NKIRAS1: variants seen among roughly 807,000 people sequenced by gnomAD.
NKIRAS1 encodes NFKB inhibitor interacting Ras like 1, also known as NF-kappa-B inhibitor-interacting Ras-like protein 1.
Under a neutral mutation model 19.8 loss-of-function variants are expected in NKIRAS1, and 16 were observed. The ratio of observed to expected loss-of-function variants is 0.81; its 90% CI spans 0.55 to 1.23. NKIRAS1 has a LOEUF of 1.23. Ranked by LOEUF, NKIRAS1 falls within the 50% of genes most tolerant of loss-of-function variation. The probability of loss-of-function intolerance (pLI) is 0.00; values close to 1 mark genes in which losing one functional copy is unlikely to be tolerated. For missense variants in NKIRAS1, 184 were observed against 220.0 expected, an observed-to-expected ratio of 0.84 and a Z score of 1.04; for synonymous variants, 88 against 79.0, an observed-to-expected ratio of 1.11 and a Z score of -0.61.
chr3:23,907,370 G>A (rs1703175040), intron 3 of NKIRAS1, among the ~76,000 whole-genome samples: 2 of 152,020 alleles, frequency 1.3e-5, no homozygotes, highest in African/African-American at 4.8e-5. Context: ...ACAAAAATTT[G>A]GTTGTCAACT....
chr3:23,936,534 G>A (rs1004242309), intron 1 of NKIRAS1, among the ~76,000 whole-genome samples: 1 of 151,976 alleles, frequency 6.6e-6, no homozygotes, highest in Non-Finnish European at 1.5e-5. Flanking sequence ...GGTAGAGCCC[G>A]AAAAACTGCT....
intron 2 of NKIRAS1, 130 bp downstream of exon 2, chr3:23,911,199 A>T (rs1418624362): frequency 3.6e-6 from 1 of 275,396 alleles, no homozygotes; most frequent in Non-Finnish European, 7.0e-6. Flanking sequence ...CATGCCTGCA[A>T]TCCTACCACT....
At chr3:23,906,158 CAAA>C (rs377092022) in intron 3 of NKIRAS1, among the ~76,000 whole-genome samples, 1 of 98,834 alleles carries the variant, frequency 1.0e-5, no homozygotes, top group Non-Finnish European at 1.9e-5. Context: ...GACTCCGTCT[CAAA>C]AAAAAAAAAA....
At chr3:23,918,252 C>T (rs568648252), upstream of NKIRAS1, 23 of 895,602 alleles carry the variant, frequency 2.6e-5, no homozygotes, top group Non-Finnish European at 3.7e-5. Flanking sequence ...GCAAAATAAA[C>T]AGTGTGCCTC....
rs1189977421 is a variant in NKIRAS1 at position 23,892,905 on chromosome 3, A to G, written c.*190T>C. On this transcript the variant is annotated 3_prime_UTR_variant, in exon 5 of 5. Coordinates refer to ENST00000425478, the MANE Select transcript of NKIRAS1 (RefSeq NM_020345.4). ...AATGAGAATAAGAATATATTATTTC[A>G]TATCAGGCAATAATAACCTTAGCCC... 1 of 417,364 alleles carries G rather than the reference A, an allele frequency of 2.4e-6. No individual in the cohort carries two copies. Among genetic ancestry groups the G allele is most frequent in the Non-Finnish European group, 4.2e-6 (1 of 239,922 alleles). The allele number at this position is 417,364 out of a possible 1,614,324, so 25.9% of individuals were successfully genotyped here.
chr3:23,905,186 T>C (rs1702902681), intron 3 of NKIRAS1, among the ~76,000 whole-genome samples: 1 of 152,184 alleles, frequency 6.6e-6, no homozygotes, highest in African/African-American at 2.4e-5. Context: ...ATTAATTTAA[T>C]TCATAGAAAA....
At chr3:23,939,532 A>G (rs924945798) in intron 1 of NKIRAS1, among the ~76,000 whole-genome samples, 2 of 152,178 alleles carry the variant, frequency 1.3e-5, no homozygotes, top group African/African-American at 4.8e-5. Context: ...TCATGAGGCC[A>G]GGAGTTCGAG....
intron 1 of NKIRAS1, chr3:23,916,496 C>CA (rs56886157): frequency 3.3e-4 from 51 of 152,438 alleles, no homozygotes; most frequent in African/African-American, 1.2e-3. Context: ...GCAATCCACC[C>CA]ACTCCATGAC....
chr3:23,930,624 T>G (rs1262289180), intron 1 of NKIRAS1, among the ~76,000 whole-genome samples: 1 of 152,152 alleles, frequency 6.6e-6, no homozygotes, highest in Non-Finnish European at 1.5e-5. Flanking sequence ...ATATATATAA[T>G]TTCATAATTA....
At position 23,890,333 on chromosome 3, in the gene NKIRAS1, C is replaced by CGTTAT. The variant is rs1701363801; in HGVS notation, c.*2757_*2761dup. ...GCCTAAGCATTCCCTCTTCCCCCAA[C>CGTTAT]GTTATGTTTTTTTGAAATTTTGATG... On this transcript the variant is annotated 3_prime_UTR_variant, in exon 5 of 5. Coordinates refer to ENST00000425478, the MANE Select transcript of NKIRAS1 (RefSeq NM_020345.4). Among the ~76,000 whole-genome samples the CGTTAT allele has an allele frequency of 6.6e-6, 1 of 152,130 alleles. No homozygotes were observed. Among genetic ancestry groups the CGTTAT allele is most frequent in the African/African-American group, 2.4e-5 (1 of 41,428 alleles).
intron 1 of NKIRAS1, among the ~76,000 whole-genome samples, chr3:23,915,130 G>T (rs1244378623): frequency 6.6e-6 from 1 of 152,130 alleles, no homozygotes; most frequent in Non-Finnish European, 1.5e-5. Flanking sequence ...TCCATACGAA[G>T]ATATTATCCT....
upstream of NKIRAS1, chr3:23,921,767 G>T: frequency 1.7e-6 from 1 of 594,792 alleles, no homozygotes; most frequent in Non-Finnish European, 3.0e-6. Flanking sequence ...TAGAGACTGG[G>T]TTTCACTATG....
In NKIRAS1 at chr3:23,892,988, C is replaced by T. The variant is rs1701585914; in HGVS notation, c.*107G>A. On this transcript the variant is annotated 3_prime_UTR_variant, in exon 5 of 5. Transcript: ENST00000425478. ...ACTTCCTTAGGAATTTTCCTAAGGA[C>T]CAAAGGTAGATACAAATGGCCTATT... The T allele has an allele frequency of 1.6e-6, 2 of 1,225,772 alleles. No homozygotes were observed. The highest frequency in any genetic ancestry group is 2.0e-5 in the South Asian group (1 of 49,458). 75.9% of individuals were successfully genotyped at this position (1,225,772 alleles called of 1,614,324 possible).
intron 4 of NKIRAS1, among the ~76,000 whole-genome samples, chr3:23,899,872 A>C (rs1304941556): frequency 6.6e-6 from 1 of 152,232 alleles, no homozygotes; most frequent in African/African-American, 2.4e-5. Flanking sequence ...GATAATAAAA[A>C]GCCCAAGGAG....
chr3:23,931,715 AG>A (rs1454141713), intron 1 of NKIRAS1, among the ~76,000 whole-genome samples: 5 of 21,118 alleles, frequency 2.4e-4, no homozygotes, highest in African/African-American at 7.3e-4. Flanking sequence ...AAGGAAGGAG[AG>A]AGAGAGAGAG....
upstream of NKIRAS1, chr3:23,918,106 A>G (rs1704773646): frequency 9.8e-6 from 15 of 1,523,766 alleles, no homozygotes; most frequent in Non-Finnish European, 1.2e-5. Context: ...TTAGGAAGAC[A>G]CTGCTGCCTC....
intron 1 of NKIRAS1, chr3:23,923,285 A>G (rs1705147945): frequency 6.7e-6 from 1 of 149,272 alleles, no homozygotes; most frequent in African/African-American, 2.5e-5. Flanking sequence ...CAGTAACACA[A>G]TCTTGGCTCG....
At chr3:23,894,318 C>T (rs1185259375) in intron 4 of NKIRAS1, among the ~76,000 whole-genome samples, 1 of 152,218 alleles carries the variant, frequency 6.6e-6, no homozygotes, top group Non-Finnish European at 1.5e-5. Flanking sequence ...TGAGGAGCAG[C>T]AGTGAACTCA....
intron 1 of NKIRAS1, among the ~76,000 whole-genome samples, chr3:23,931,688 G>A (rs2125266914): frequency 6.7e-6 from 1 of 150,170 alleles, no homozygotes; most frequent in South Asian, 2.1e-4. Flanking sequence ...TAGTGGAAGG[G>A]AGGAAAAAGA....
Sources: allele counts gnomAD v4.1 joint callset (sites outside exome capture counted in the v4.1 genomes callset), GRCh38; gene constraint gnomAD v4.1.1; transcripts MANE v1.5; gene names NCBI Gene and HGNC (gene_info 2026-07-23, HGNC 2026-07-21).